Variants in C8orf34 observed in about 807,000 individuals in gnomAD.
C8orf34 encodes uncharacterized protein C8orf34.
A neutral mutation model predicts 68.3 loss-of-function variants in C8orf34; 65 were observed. That is an observed-to-expected ratio of 0.95 (90% CI 0.78 to 1.17). The LOEUF (loss-of-function observed/expected upper bound fraction) is 1.17, where lower values mean the gene tolerates loss of function less well. Ranked by LOEUF, C8orf34 falls within the 50% of genes most tolerant of loss-of-function variation. The pLI is 0.00. For synonymous variants in C8orf34, 244 were observed against 241.2 expected (o/e 1.01, Z -0.11); for missense variants, 664 against 655.4 (o/e 1.01, Z -0.14).
intron 7 of C8orf34, among the ~76,000 whole-genome samples, chr8:68,594,932 G>T (rs539761909): frequency 2.0e-5 from 3 of 151,864 alleles, no homozygotes; most frequent in African/African-American, 7.2e-5. Flanking sequence ...AAAATTTACA[G>T]ATTTATTTTT....
chr8:68,546,716 A>G (rs1416908386), intron 7 of C8orf34, among the ~76,000 whole-genome samples: 2 of 151,894 alleles, frequency 1.3e-5, no homozygotes. Flanking sequence ...GTTTATAGAA[A>G]TAGTCCATAT....
At chr8:68,671,423 T>A (rs1397966005) in intron 8 of C8orf34, among the ~76,000 whole-genome samples, 1 of 152,214 alleles carries the variant, frequency 6.6e-6, no homozygotes, top group Non-Finnish European at 1.5e-5. Context: ...CAGCTGTATC[T>A]AATACTTTAA....
intron 5 of C8orf34, among the ~76,000 whole-genome samples, chr8:68,488,405 A>G (rs1043315877): frequency 6.6e-6 from 1 of 152,084 alleles, no homozygotes; most frequent in African/African-American, 2.4e-5. Flanking sequence ...GTATTTTTTG[A>G]TAGCTCCTCT....
chr8:68,387,453 T>C lies in C8orf34; in HGVS notation c.328-52046T>C, dbSNP rs138450791. Among the ~76,000 whole-genome samples, 999 of 152,204 alleles carry C rather than the reference T, an allele frequency of 6.6e-3. 10 individuals are homozygous for C. Among genetic ancestry groups the C allele is most frequent in the African/African-American group, 0.021 (887 of 41,534 alleles). ...AATAGGAAGTATAATTGAATAGTTA[T>C]AGAGTGTGAGGTATGGGCAAGGATG... On this transcript the variant is annotated intron_variant, in intron 1 of 13. Transcript: ENST00000518698.
intron 1 of C8orf34, among the ~76,000 whole-genome samples, chr8:68,353,868 G>A (rs1806629260): frequency 6.6e-6 from 1 of 151,828 alleles, no homozygotes; most frequent in Admixed American, 6.6e-5. Flanking sequence ...ACAGGAGGAT[G>A]TGCATAGTTT....
At chr8:68,713,352 C>T (rs554601861) in intron 9 of C8orf34, among the ~76,000 whole-genome samples, 3 of 150,602 alleles carry the variant, frequency 2.0e-5, no homozygotes, top group African/African-American at 7.3e-5. Flanking sequence ...ACTGAAAGAA[C>T]AAAAAAAATA....
intron 12 of C8orf34, among the ~76,000 whole-genome samples, chr8:68,802,776 C>T (rs1018207520): frequency 1.8e-4 from 28 of 151,928 alleles, no homozygotes; most frequent in Admixed American, 6.6e-4. Context: ...CCAAAGTTTT[C>T]GGGCTACAGG....
intron 1 of C8orf34, among the ~76,000 whole-genome samples, chr8:68,401,039 T>A (rs1808928819): frequency 1.3e-5 from 2 of 152,092 alleles, no homozygotes; most frequent in Admixed American, 1.3e-4. Context: ...CTTCATGTTA[T>A]CTTCGGTTTC....
At chr8:68,708,207 ATAT>A (rs1262321703) in intron 8 of C8orf34, among the ~76,000 whole-genome samples, 1 of 152,182 alleles carries the variant, frequency 6.6e-6, no homozygotes, top group Non-Finnish European at 1.5e-5. Context: ...GCAGAATTTA[ATAT>A]TATAAAAATT....
intron 4 of C8orf34, 119 bp from the exon 5 acceptor site, chr8:68,487,904 A>C: frequency 1.6e-6 from 1 of 637,262 alleles, no homozygotes; most frequent in Non-Finnish European, 2.7e-6. Context: ...GCACTAATAA[A>C]AAGAAAACAA....
chr8:68,736,763 A>G (rs185052172), intron 10 of C8orf34, among the ~76,000 whole-genome samples: 3 of 151,990 alleles, frequency 2.0e-5, no homozygotes, highest in Non-Finnish European at 4.4e-5. Flanking sequence ...TTCATTGGCC[A>G]CTTTTTCCAA....
At chr8:68,333,265 A>G (rs1479010475) in intron 1 of C8orf34, among the ~76,000 whole-genome samples, 1 of 152,204 alleles carries the variant, frequency 6.6e-6, no homozygotes, top group Non-Finnish European at 1.5e-5. Flanking sequence ...TTTAAGTGAT[A>G]GCAACGTGTC....
At chr8:68,417,425 T>C (rs908987977) in intron 1 of C8orf34, among the ~76,000 whole-genome samples, 3 of 152,078 alleles carry the variant, frequency 2.0e-5, no homozygotes, top group Non-Finnish European at 4.4e-5. Context: ...TTAAATAAAC[T>C]TGTACAGCAC....
intron 10 of C8orf34, among the ~76,000 whole-genome samples, chr8:68,773,825 T>C (rs1253674676): frequency 2.6e-5 from 4 of 152,118 alleles, no homozygotes; most frequent in Non-Finnish European, 4.4e-5. Context: ...TTTCCTGTGG[T>C]GTAGATATGA....
intron 7 of C8orf34, among the ~76,000 whole-genome samples, chr8:68,593,672 A>C (rs1024834098): frequency 6.6e-6 from 1 of 151,610 alleles, no homozygotes; most frequent in East Asian, 1.9e-4. Context: ...CTTTTCTCTT[A>C]TTTTTCTTTT....
intron 8 of C8orf34, among the ~76,000 whole-genome samples, chr8:68,647,607 CT>C (rs754637280): frequency 2.0e-5 from 3 of 152,170 alleles, no homozygotes; most frequent in Non-Finnish European, 4.4e-5. Context: ...GGAACTTCTA[CT>C]TTTCCAGGCA....
At chr8:68,457,459 A>C (rs1337782168) in intron 3 of C8orf34, among the ~76,000 whole-genome samples, 2 of 152,216 alleles carry the variant, frequency 1.3e-5, no homozygotes, top group Non-Finnish European at 2.9e-5. Flanking sequence ...GAACATTAGC[A>C]TTTATTAAAT....
intron 10 of C8orf34, among the ~76,000 whole-genome samples, chr8:68,729,898 CAT>C (rs1821933039): frequency 6.6e-6 from 1 of 152,076 alleles, no homozygotes; most frequent in Admixed American, 6.5e-5. Flanking sequence ...TCCAATAAAA[CAT>C]GTTCCAGATT....
chr8:68,611,308 G>A (rs1363160582), intron 7 of C8orf34, among the ~76,000 whole-genome samples: 1 of 152,128 alleles, frequency 6.6e-6, no homozygotes, highest in East Asian at 1.9e-4. Context: ...ATGAAACATA[G>A]GACTGACTGC....
Sources: gnomAD v4.1 joint callset for allele counts (sites outside exome capture counted in the v4.1 genomes callset) on GRCh38, gnomAD v4.1.1 for gene constraint, MANE v1.5 for transcripts, NCBI Gene and HGNC (gene_info 2026-07-23, HGNC 2026-07-21) for gene names.